Variants in TTC3 observed in about 807,000 individuals in gnomAD.
TTC3 encodes the protein tetratricopeptide repeat domain 3.
TTC3 carries 180 observed loss-of-function variants against 249.6 expected under a neutral mutation model. The ratio of observed to expected loss-of-function variants is 0.72; its 90% confidence interval spans 0.64 to 0.82. TTC3 has a LOEUF of 0.82. Ranked by LOEUF, TTC3 falls within the 40% of genes least tolerant of loss-of-function variation. The pLI, the probability that TTC3 is intolerant of heterozygous loss-of-function variation, is 0.00. For synonymous variants in TTC3, 717 were observed against 805.0 expected, an observed-to-expected ratio of 0.89 and a Z score of 1.85; for missense variants, 2,061 against 2,398.4, an observed-to-expected ratio of 0.86 and a Z score of 2.94.
At chr21:37,181,440 G>A (rs899779531) in intron 35 of TTC3, among the ~76,000 whole-genome samples, 4 of 152,202 alleles carry the variant, frequency 2.6e-5, no homozygotes, top group African/African-American at 7.2e-5. Flanking sequence ...ATTGGTCCTG[G>A]TAGAACCGAA....
intron 3 of TTC3, 62 bp from the exon 4 acceptor site, chr21:37,088,134 A>G: frequency 1.4e-6 from 2 of 1,410,968 alleles, no homozygotes; most frequent in Admixed American, 2.6e-5. Flanking sequence ...TTTACTATTA[A>G]GTGTTGATTC....
intron 18 of TTC3, among the ~76,000 whole-genome samples, chr21:37,136,258 C>T (rs1483219872): frequency 2.6e-5 from 4 of 152,142 alleles, no homozygotes; most frequent in African/African-American, 7.2e-5. Context: ...GCACGTCTCT[C>T]ACTTTAAATA....
At chr21:37,180,749 T>A (rs1202487279) in intron 35 of TTC3, among the ~76,000 whole-genome samples, 1 of 111,490 alleles carries the variant, frequency 9.0e-6, no homozygotes, top group Non-Finnish European at 1.8e-5. Flanking sequence ...ACCCTAAAAC[T>A]TAAAGTATAA....
At chr21:37,113,654 A>G (rs1434483944) in intron 11 of TTC3, among the ~76,000 whole-genome samples, 1 of 152,200 alleles carries the variant, frequency 6.6e-6, no homozygotes, top group African/African-American at 2.4e-5. Flanking sequence ...CAAGCTACCA[A>G]TGACTTTCTT....
rs747530912 is a variant in TTC3, at chr21:37,185,895, GTTTTC to G, written c.4826+125_4826+129del. ...ATTTCTTTTAAATAATTATGTTTCT[GTTTTC>G]TTTATTTCTATTTCTGTTGCATTTT... On this transcript the variant is annotated intron_variant, in intron 37 of 45. Coordinates refer to ENST00000355666, the Ensembl canonical transcript of TTC3. The G allele has an allele frequency of 6.9e-5, 30 of 436,944 alleles. No homozygotes were observed. In the South Asian group the frequency reaches 2.1e-3, roughly 30 times the overall value. The allele number at this position is 436,944 out of a possible 1,614,324, so 27.1% of individuals were successfully genotyped here.
chr21:37,146,000 G>A (rs143087274), intron 21 of TTC3, among the ~76,000 whole-genome samples: 322 of 152,330 alleles, frequency 2.1e-3, no homozygotes, highest in African/African-American at 6.9e-3. Context: ...CATACCATAT[G>A]ATCCAGCAGT....
intron 10 of TTC3, among the ~76,000 whole-genome samples, chr21:37,103,159 A>C (rs1431732524): frequency 1.3e-5 from 2 of 152,196 alleles, no homozygotes; most frequent in African/African-American, 4.8e-5. Context: ...ATCCACATGG[A>C]AACTAGGGGA....
At position 37,150,810 on chromosome 21, in the gene TTC3, T is replaced by G. The variant is rs757670341; in HGVS notation, c.2212-10T>G. 8 of 1,606,218 alleles carry G rather than the reference T, an allele frequency of 5.0e-6. No individual in the cohort carries two copies. The highest frequency in any genetic ancestry group is 3.4e-6 in the Non-Finnish European group (4 of 1,174,560). ...GAGACAAATTTTGGATGTCTTTGTT[T>G]TATTTAAAGTTTGAACACAAGGTCA... On this transcript the variant is annotated splice_polypyrimidine_tract_variant and intron_variant, in intron 24 of 45. Coordinates refer to ENST00000355666, the Ensembl canonical transcript of TTC3.
chr21:37,120,741 T>C (rs1237378514), intron 11 of TTC3, among the ~76,000 whole-genome samples: 2 of 152,218 alleles, frequency 1.3e-5, no homozygotes, highest in Non-Finnish European at 2.9e-5. Flanking sequence ...GGATTACTTA[T>C]GGTAAACCTG....
At chr21:37,153,539 A>G (rs934488926) in intron 27 of TTC3, among the ~76,000 whole-genome samples, 2 of 152,198 alleles carry the variant, frequency 1.3e-5, no homozygotes, top group Non-Finnish European at 2.9e-5. Context: ...AACTAAATAT[A>G]TGAAGGCCTT....
intron 16 of TTC3, among the ~76,000 whole-genome samples, chr21:37,130,281 G>T (rs1725893961): frequency 6.6e-6 from 1 of 151,974 alleles, no homozygotes; most frequent in Non-Finnish European, 1.5e-5. Context: ...TCTATTATTT[G>T]ATAGAAAAAT....
intron 21 of TTC3, 57 bp from the exon 22 acceptor site, chr21:37,147,424 C>A: frequency 6.8e-7 from 1 of 1,463,378 alleles, no homozygotes; most frequent in Non-Finnish European, 9.1e-7. Flanking sequence ...AAATCACAAG[C>A]ATTTTTATTG....
intron 12 of TTC3, among the ~76,000 whole-genome samples, 165 bp from the exon 13 acceptor site, chr21:37,122,818 C>T (rs1450168731): frequency 1.3e-5 from 2 of 152,146 alleles, no homozygotes; most frequent in African/African-American, 4.8e-5. Context: ...TTGACACCAT[C>T]CTAAAACTAA....
exon 12 of TTC3, chr21:37,121,818 G>A: frequency 6.3e-7 from 1 of 1,579,300 alleles, no homozygotes; most frequent in Non-Finnish European, 8.6e-7. Flanking sequence ...TTGGAACAGG[G>A]TCATTATCGT....
chr21:37,144,478 A>G (rs1287264907), intron 20 of TTC3, 47 bp from the exon 21 acceptor site: 1 of 1,583,240 alleles, frequency 6.3e-7, no homozygotes, highest in African/African-American at 1.4e-5. Flanking sequence ...AGGGAGTGAA[A>G]ATACCATTTT....
chr21:37,144,564 C>G (rs953652076), exon 21 of TTC3: 1 of 1,612,102 alleles, frequency 6.2e-7, no homozygotes, highest in Non-Finnish European at 8.5e-7. Context: ...AAGCAAGAAC[C>G]TTGATTTATC....
At chr21:37,202,844 T>C (rs2085614457) in exon 46 of TTC3, 1 of 152,232 alleles carries the variant, frequency 6.6e-6, no homozygotes, top group African/African-American at 2.4e-5. Flanking sequence ...AGTTCTGATG[T>C]CTTAGTGACT....
intron 19 of TTC3, among the ~76,000 whole-genome samples, chr21:37,139,037 T>G (rs1295399643): frequency 1.3e-5 from 2 of 152,142 alleles, no homozygotes; most frequent in African/African-American, 4.8e-5. Flanking sequence ...TTATATACTT[T>G]TTGGAAAACA....
chr21:37,090,170 G>A (rs777238889), intron 5 of TTC3, 63 bp from the exon 6 acceptor site: 14 of 1,296,400 alleles, frequency 1.1e-5, no homozygotes, highest in African/African-American at 7.3e-5. Flanking sequence ...CCATTTTTCC[G>A]TTAGAAAATT....
Sources: allele counts gnomAD v4.1 joint callset (sites outside exome capture counted in the v4.1 genomes callset), GRCh38; gene constraint gnomAD v4.1.1; transcripts MANE v1.5; gene names NCBI Gene and HGNC (gene_info 2026-07-23, HGNC 2026-07-21).